Variants in PDE9A observed in about 807,000 individuals in gnomAD.
PDE9A encodes phosphodiesterase 9A.
In PDE9A, 60 loss-of-function variants were observed where a neutral mutation model predicts 87.4. The ratio of observed to expected loss-of-function variants is 0.69; its 90% CI spans 0.56 to 0.85. PDE9A has a LOEUF of 0.85. PDE9A is among the 40% of genes least tolerant of loss of function. PDE9A has a pLI of 0.00. For synonymous variants in PDE9A, 272 were observed against 279.4 expected, an observed-to-expected ratio of 0.97 and a Z score of 0.27; for missense variants, 665 against 779.0, an observed-to-expected ratio of 0.85 and a Z score of 1.74.
At chr21:42,719,364 G>A (rs987710827) in intron 4 of PDE9A, among the ~76,000 whole-genome samples, 9 of 151,800 alleles carry the variant, frequency 5.9e-5, no homozygotes, top group Admixed American at 4.6e-4. Context: ...GCCAAGTACA[G>A]TGGCTCACAC....
At chr21:42,683,020 A>C (rs558665625) in intron 1 of PDE9A, among the ~76,000 whole-genome samples, 1 of 152,358 alleles carries the variant, frequency 6.6e-6, no homozygotes, top group Admixed American at 6.5e-5. Context: ...TTTACAAAAA[A>C]TCTAGGTCGT....
intron 4 of PDE9A, among the ~76,000 whole-genome samples, chr21:42,701,716 C>T (rs1278938799): frequency 1.3e-5 from 2 of 152,114 alleles, no homozygotes; most frequent in Non-Finnish European, 1.5e-5. Context: ...CCACCATGCC[C>T]GACTGACAGT....
At chr21:42,730,640 C>CT (rs948039802) in intron 4 of PDE9A, among the ~76,000 whole-genome samples, 3 of 151,850 alleles carry the variant, frequency 2.0e-5, no homozygotes, top group African/African-American at 7.3e-5. Context: ...GCTTTAAAAT[C>CT]TTTTTTTTGT....
At position 42,731,850 on chromosome 21, in the gene PDE9A, G is replaced by C; in HGVS notation, c.343G>C (p.Glu115Gln). ...GAGGGACAGACGGGTTGTGGGCCTG[G>C]AGCAGCCCCGGAGGGAAGGAGCATT... ...PLRDRRVVGL[E>Q]QPRREGAFES... The change falls in exon 5 of 20, where the codon GAG becomes CAG. Residue 115 changes from glutamate to glutamine, a missense_variant. Coordinates refer to ENST00000291539, the MANE Select transcript of PDE9A (RefSeq NM_002606.3). 2 of 1,614,210 alleles carry C rather than the reference G, an allele frequency of 1.2e-6. No individual in the cohort carries two copies. The highest frequency in any genetic ancestry group is 1.7e-6 in the Non-Finnish European group (2 of 1,180,030).
chr21:42,682,577 A>G (rs560889496), intron 1 of PDE9A, among the ~76,000 whole-genome samples: 1 of 152,364 alleles, frequency 6.6e-6, no homozygotes, highest in South Asian at 2.1e-4. Flanking sequence ...CCAAGCATAA[A>G]AAGCTCTCCT....
intron 1 of PDE9A, among the ~76,000 whole-genome samples, chr21:42,684,595 C>G (rs1381593838): frequency 7.2e-5 from 11 of 152,206 alleles, no homozygotes; most frequent in Admixed American, 7.2e-4. Flanking sequence ...GGAGGAGAAG[C>G]ACATCTCAGA....
At chr21:42,709,288 A>C (rs2049097011) in intron 4 of PDE9A, among the ~76,000 whole-genome samples, 1 of 152,028 alleles carries the variant, frequency 6.6e-6, no homozygotes, top group Non-Finnish European at 1.5e-5. Flanking sequence ...AATAACACAC[A>C]CTGGGGCCTG....
chr21:42,715,188 C>CTTTTTTTTT (rs369972172), intron 4 of PDE9A, among the ~76,000 whole-genome samples: 11 of 104,620 alleles, frequency 1.1e-4, no homozygotes, highest in African/African-American at 2.8e-4. Context: ...TGCATCTTTA[C>CTTTTTTTTT]TTTTTTTTTT....
chr21:42,670,200 CACATACACTT>C, intron 1 of PDE9A, among the ~76,000 whole-genome samples: 1 of 134,988 alleles, frequency 7.4e-6, no homozygotes. Flanking sequence ...CACATTCACA[CACATACACTT>C]ACATTCACAC....
intron 1 of PDE9A, among the ~76,000 whole-genome samples, chr21:42,668,948 G>C (rs570568413): frequency 7.3e-6 from 1 of 136,452 alleles, no homozygotes; most frequent in Non-Finnish European, 1.5e-5. Context: ...TGCAGCCTCT[G>C]GCCAGCGGCT....
At chr21:42,720,587 A>G (rs2050403732) in intron 4 of PDE9A, among the ~76,000 whole-genome samples, 1 of 152,236 alleles carries the variant, frequency 6.6e-6, no homozygotes, top group South Asian at 2.1e-4. Context: ...CTGAAGGGAA[A>G]GTAAGTGCAG....
At chr21:42,700,749 T>C (rs2146339421) in intron 4 of PDE9A, 1 of 152,340 alleles carries the variant, frequency 6.6e-6, no homozygotes, top group African/African-American at 2.4e-5. Flanking sequence ...CCCACTGAAT[T>C]ACCATGACAC....
chr21:42,666,166 C>T (rs1450669395), intron 1 of PDE9A, among the ~76,000 whole-genome samples: 1 of 151,970 alleles, frequency 6.6e-6, no homozygotes, highest in East Asian at 1.9e-4. Flanking sequence ...GTCATTCGTG[C>T]AGTGGGCGTG....
intron 1 of PDE9A, among the ~76,000 whole-genome samples, chr21:42,661,583 C>T (rs1444860429): frequency 1.3e-5 from 2 of 152,110 alleles, no homozygotes; most frequent in African/African-American, 4.8e-5. Flanking sequence ...TTTTTAAGGC[C>T]GAGCGGTATT....
intron 8 of PDE9A, among the ~76,000 whole-genome samples, chr21:42,746,435 T>C (rs999037495): frequency 3.9e-5 from 6 of 152,208 alleles, no homozygotes; most frequent in Non-Finnish European, 7.3e-5. Flanking sequence ...CGGTCTCTCT[T>C]GGCCTCTGGT....
At chr21:42,734,074 C>T (rs2052123280) in intron 7 of PDE9A, 1 of 151,898 alleles carries the variant, frequency 6.6e-6, no homozygotes, top group African/African-American at 2.4e-5. Flanking sequence ...TCGAGGCCTC[C>T]CCAAGAGCCA....
At chr21:42,687,289 G>A (rs1314648844) in intron 2 of PDE9A, among the ~76,000 whole-genome samples, 2 of 152,304 alleles carry the variant, frequency 1.3e-5, no homozygotes, top group African/African-American at 4.8e-5. Flanking sequence ...ATGGTCTGGG[G>A]CATCTTTGGG....
chr21:42,770,006 T>C (rs1434273422), intron 17 of PDE9A, among the ~76,000 whole-genome samples: 1 of 152,044 alleles, frequency 6.6e-6, no homozygotes, highest in African/African-American at 2.4e-5. Flanking sequence ...GAGGCAGCAC[T>C]GGCTGTGGAC....
At chr21:42,761,422 A>T (rs1411395784) in intron 13 of PDE9A, among the ~76,000 whole-genome samples, 1 of 152,206 alleles carries the variant, frequency 6.6e-6, no homozygotes, top group Non-Finnish European at 1.5e-5. Flanking sequence ...GATCAGAAGG[A>T]CAGACCGTTG....
Sources: gnomAD v4.1 joint callset for allele counts (sites outside exome capture counted in the v4.1 genomes callset) on GRCh38, gnomAD v4.1.1 for gene constraint, MANE v1.5 for transcripts, NCBI Gene and HGNC (gene_info 2026-07-23, HGNC 2026-07-21) for gene names.